Variants in BRINP3 observed in about 807,000 individuals in gnomAD.
BRINP3 encodes BMP/retinoic acid inducible neural specific 3.
Under a neutral mutation model 71.0 loss-of-function variants are expected in BRINP3, and 19 were observed. The ratio of observed to expected loss-of-function variants is 0.27; its 90% CI spans 0.19 to 0.39. BRINP3 has a LOEUF of 0.39. BRINP3 is among the 10% of genes least tolerant of loss of function. The pLI is 1.00. For synonymous variants in BRINP3, 380 were observed against 337.7 expected (o/e 1.13, Z -1.37); for missense variants, 959 against 940.8 (o/e 1.02, Z -0.25).
At chr1:190,243,593 T>C (rs978078037) in intron 4 of BRINP3, among the ~76,000 whole-genome samples, 5 of 152,066 alleles carry the variant, frequency 3.3e-5, no homozygotes, top group East Asian at 1.9e-4. Flanking sequence ...GTTTTCAATA[T>C]TAATAATAAT....
intron 7 of BRINP3, among the ~76,000 whole-genome samples, chr1:190,126,873 A>G (rs1215051693): frequency 1.3e-5 from 2 of 152,020 alleles, no homozygotes; most frequent in African/African-American, 4.8e-5. Context: ...GGATTCTTCA[A>G]ATTCAAACAT....
chr1:190,415,787 C>T (rs1672970564), intron 2 of BRINP3, among the ~76,000 whole-genome samples: 1 of 151,848 alleles, frequency 6.6e-6, no homozygotes, highest in South Asian at 2.1e-4. Flanking sequence ...CTTGCAATAC[C>T]AGCTACTCAG....
chr1:190,247,964 T>G (rs1659762212), intron 4 of BRINP3, among the ~76,000 whole-genome samples: 1 of 152,064 alleles, frequency 6.6e-6, no homozygotes, highest in African/African-American at 2.4e-5. Context: ...ACTTTGTCAT[T>G]TGTACCTTGA....
chr1:190,199,784 AC>A (rs369768591), intron 6 of BRINP3, among the ~76,000 whole-genome samples: 3 of 145,570 alleles, frequency 2.1e-5, no homozygotes, highest in African/African-American at 7.5e-5. Context: ...AAAAAAAAAA[AC>A]AAAAACAAAA....
intron 6 of BRINP3, among the ~76,000 whole-genome samples, chr1:190,199,866 T>C (rs1254132210): frequency 6.6e-6 from 1 of 151,968 alleles, no homozygotes; most frequent in Admixed American, 6.6e-5. Flanking sequence ...GTATAAAACT[T>C]AAAATGGCAA....
intron 2 of BRINP3, among the ~76,000 whole-genome samples, chr1:190,327,352 G>GAAAAAAAAAAAAAAAAAAAAGA (rs796445574): frequency 2.1e-4 from 16 of 77,420 alleles, no homozygotes; most frequent in South Asian, 4.2e-4. Context: ...AAAAAAAAAG[G>GAAAAAAAAAAAAAAAAAAAAGA]AAAAAAAAAA....
chr1:190,198,145 GT>G (rs1654660972), intron 6 of BRINP3, among the ~76,000 whole-genome samples: 5 of 151,542 alleles, frequency 3.3e-5, no homozygotes, highest in Non-Finnish European at 5.9e-5. Flanking sequence ...TGCTATGTCT[GT>G]GACATAAGGA....
intron 7 of BRINP3, among the ~76,000 whole-genome samples, chr1:190,139,443 C>T (rs545080622): frequency 8.6e-6 from 1 of 116,138 alleles, no homozygotes; most frequent in African/African-American, 3.6e-5. Context: ...TAGAGTGAGA[C>T]TCTGTCTCAA....
chr1:190,165,487 T>C (rs1281146062), intron 6 of BRINP3, among the ~76,000 whole-genome samples: 1 of 136,136 alleles, frequency 7.3e-6, no homozygotes, highest in Non-Finnish European at 1.5e-5. Flanking sequence ...TGTGTGTGTG[T>C]GTGTGTGTTT....
chr1:190,307,740 C>T lies in BRINP3; in HGVS notation c.237-25990G>A, dbSNP rs149718898. ...AGCTTCCATATTAAGAAGTAACTTT[C>T]TTTTTTTCATTTTCCTTCCATCTGT... On this transcript the variant is annotated intron_variant, in intron 2 of 7. Coordinates refer to ENST00000367462, the MANE Select transcript of BRINP3 (RefSeq NM_199051.3). Among the ~76,000 whole-genome samples, 38 of 152,010 alleles carry T rather than the reference C, an allele frequency of 2.5e-4. No individual in the cohort carries two copies. In the East Asian group the frequency reaches 7.0e-3, roughly 28 times the overall value.
At chr1:190,332,544 C>G (rs909757547) in intron 2 of BRINP3, among the ~76,000 whole-genome samples, 2 of 152,014 alleles carry the variant, frequency 1.3e-5, no homozygotes, top group African/African-American at 4.8e-5. Context: ...ACATGGGTCT[C>G]AGAACTCAGG....
chr1:190,367,478 A>T (rs1447685867), intron 2 of BRINP3, among the ~76,000 whole-genome samples: 1 of 152,210 alleles, frequency 6.6e-6, no homozygotes, highest in Non-Finnish European at 1.5e-5. Context: ...GGTCTCTGAC[A>T]TGCCCTGGGG....
intron 7 of BRINP3, among the ~76,000 whole-genome samples, chr1:190,118,202 T>G (rs1653313404): frequency 6.6e-6 from 1 of 151,940 alleles, no homozygotes; most frequent in Admixed American, 6.6e-5. Context: ...AAAATATTTA[T>G]CAAAAAATAG....
chr1:190,348,213 GTAAAA>G (rs1308991155), intron 2 of BRINP3, among the ~76,000 whole-genome samples: 1 of 152,068 alleles, frequency 6.6e-6, no homozygotes, highest in Admixed American at 6.6e-5. Context: ...AATTTAGAAA[GTAAAA>G]TAAAATAAAA....
At chr1:190,353,407 A>G (rs930011301) in intron 2 of BRINP3, among the ~76,000 whole-genome samples, 1 of 152,048 alleles carries the variant, frequency 6.6e-6, no homozygotes, top group Non-Finnish European at 1.5e-5. Context: ...AGAAGATGCT[A>G]GAAGTATGTC....
intron 2 of BRINP3, among the ~76,000 whole-genome samples, chr1:190,452,369 T>C (rs1475506793): frequency 6.6e-6 from 1 of 152,190 alleles, no homozygotes; most frequent in East Asian, 1.9e-4. Flanking sequence ...CTTTACATGT[T>C]TATTCAAGCC....
intron 6 of BRINP3, among the ~76,000 whole-genome samples, chr1:190,177,150 CTTTTTTTTTTT>C (rs1030190199): frequency 7.9e-5 from 5 of 63,214 alleles, no homozygotes; most frequent in Non-Finnish European, 1.4e-4. Flanking sequence ...GCACCCACTT[CTTTTTTTTTTT>C]TTTTTTTTTT....
chr1:190,268,579 A>G (rs1001633390), intron 3 of BRINP3, among the ~76,000 whole-genome samples: 2 of 152,208 alleles, frequency 1.3e-5, no homozygotes, highest in African/African-American at 4.8e-5. Context: ...GAGAATGCAG[A>G]TTAGAATCAC....
chr1:190,360,883 C>A (rs1348677245), intron 2 of BRINP3, among the ~76,000 whole-genome samples: 1 of 151,700 alleles, frequency 6.6e-6, no homozygotes, highest in Non-Finnish European at 1.5e-5. Flanking sequence ...TTTAATGTGG[C>A]AAAAGTTATA....
Sources: gnomAD v4.1 joint callset for allele counts (sites outside exome capture counted in the v4.1 genomes callset) on GRCh38, gnomAD v4.1.1 for gene constraint, MANE v1.5 for transcripts, NCBI Gene and HGNC (gene_info 2026-07-23, HGNC 2026-07-21) for gene names.